The following YEATS4 variants were observed in gnomAD, a reference collection of about 807,000 sequenced individuals.
YEATS4 encodes the protein YEATS domain-containing protein 4.
In YEATS4, 17 loss-of-function variants were observed where a neutral mutation model predicts 30.1. That is an observed-to-expected ratio of 0.56 (90% CI 0.39 to 0.85). The LOEUF is 0.85. YEATS4 is among the 40% of genes least tolerant of loss of function. The pLI, the probability that YEATS4 is intolerant of heterozygous loss-of-function variation, is 0.00. For missense variants in YEATS4, 142 were observed against 268.3 expected, an observed-to-expected ratio of 0.53 and a Z score of 3.29; for synonymous variants, 85 against 87.5, an observed-to-expected ratio of 0.97 and a Z score of 0.16.
At chr12:69,419,234 T>TTTTTTG in the YEATS4 span, among the ~76,000 whole-genome samples, 16 of 145,924 alleles carry the variant, frequency 1.1e-4, no homozygotes, top group Non-Finnish European at 1.8e-4. Flanking sequence ...TTTTTTTTTT[T>TTTTTTG]TTTAGAGACA....
the YEATS4 span, among the ~76,000 whole-genome samples, chr12:69,417,554 T>G: frequency 6.6e-6 from 1 of 152,126 alleles, no homozygotes; most frequent in Admixed American, 6.6e-5. Flanking sequence ...AAGGCTGCCT[T>G]GGTAGGAGGC....
At chr12:69,376,772 G>A (rs1312473489) in intron 6 of YEATS4, among the ~76,000 whole-genome samples, 1 of 152,174 alleles carries the variant, frequency 6.6e-6, no homozygotes, top group African/African-American at 2.4e-5. Flanking sequence ...TTTGAGTAGG[G>A]TTGGTATTAG....
At chr12:69,421,431 A>G in the YEATS4 span, among the ~76,000 whole-genome samples, 1 of 152,180 alleles carries the variant, frequency 6.6e-6, no homozygotes. Context: ...ATTTTATATT[A>G]TATCGTATTT....
chr12:69,362,656 G>A, intron 1 of YEATS4, 132 bp from the exon 2 acceptor site: 1 of 599,640 alleles, frequency 1.7e-6, no homozygotes, highest in Non-Finnish European at 2.6e-6. Flanking sequence ...ATTGATTTGA[G>A]AGAAATCCAT....
intron 4 of YEATS4, among the ~76,000 whole-genome samples, chr12:69,368,607 T>C (rs1875525813): frequency 6.6e-6 from 1 of 152,182 alleles, no homozygotes; most frequent in South Asian, 2.1e-4. Flanking sequence ...TCTGGTACCA[T>C]AAACTGGGTG....
At chr12:69,381,347 G>A (rs12298638) in intron 6 of YEATS4, among the ~76,000 whole-genome samples, 1,865 of 152,262 alleles carry the variant, frequency 0.012, 22 homozygotes, top group African/African-American at 0.029. Flanking sequence ...CTGGCTCACC[G>A]GCAGTCAGAG....
Position 69,390,150 on chromosome 12 carries a change from C to T in YEATS4, c.518C>T (p.Ala173Val). 5 of 1,572,080 alleles carry T rather than the reference C, an allele frequency of 3.2e-6. No homozygotes were observed. Among genetic ancestry groups the T allele is most frequent in the Non-Finnish European group, 4.3e-6 (5 of 1,168,952 alleles). The change falls in exon 7 of 7, where the codon GCA becomes GTA. Residue 173 changes from alanine (A) to valine (V), a missense_variant. Physicochemically the swap from Ala to Val is moderately conservative, Grantham distance 64. Around this residue, in one of 3 missense-constraint regions of YEATS4, gnomAD observed 53 missense variants for 68.6 expected, o/e 0.77. Transcript: ENST00000247843. The stretch of plus-strand genomic sequence containing the variant: ...TAAAAGTATTTGTTTTCTTTAGTTG[C>T]AGAGCTTGAAGTGAAAACCAGAGAA... ...LGAYKHETEF[A>V]ELEVKTREKL... is the part of the protein sequence containing the mutation.
chr12:69,377,787 A>G (rs1875926687), intron 6 of YEATS4, among the ~76,000 whole-genome samples: 1 of 152,238 alleles, frequency 6.6e-6, no homozygotes, highest in South Asian at 2.1e-4. Context: ...AGAATGATCC[A>G]TGAGGTCAGG....
the YEATS4 span, among the ~76,000 whole-genome samples, chr12:69,397,524 G>A: frequency 2.0e-5 from 3 of 152,124 alleles, no homozygotes; most frequent in East Asian, 5.8e-4. Context: ...TTTTATAAAG[G>A]GTAGTTCCCC....
chr12:69,396,532 A>C, the YEATS4 span, among the ~76,000 whole-genome samples: 2 of 152,178 alleles, frequency 1.3e-5, no homozygotes, highest in Non-Finnish European at 2.9e-5. Context: ...TCCAATCCCT[A>C]TTATTAAAAT....
chr12:69,419,448 G>A, the YEATS4 span, among the ~76,000 whole-genome samples: 21 of 151,952 alleles, frequency 1.4e-4, no homozygotes, highest in East Asian at 2.3e-3. Flanking sequence ...TCTTGAACTC[G>A]TAGTCTCAAG....
intron 4 of YEATS4, among the ~76,000 whole-genome samples, chr12:69,369,579 C>G (rs1875566369): frequency 6.6e-6 from 1 of 152,202 alleles, no homozygotes. Flanking sequence ...AGCTCTGGCT[C>G]ACACCTCTTA....
rs187007051 is a variant in YEATS4 at position 69,385,000 on chromosome 12, A to G, written c.515-5147A>G. ...AGTGAATGACTATATTTGTCCTATT[A>G]AATTAGCAAAAGCATTTTTTTTTCC... On this transcript the variant is annotated intron_variant, in intron 6 of 6. Transcript: ENST00000247843. 5.4e-3 allele frequency among the ~76,000 whole-genome samples: 724 copies of G among 135,130 alleles called. 3 individuals carry two copies. Among genetic ancestry groups the G allele is most frequent in the African/African-American group, 0.021 (695 of 32,344 alleles). 88.7% of individuals were successfully genotyped at this position (135,130 alleles called of 152,430 possible). A position where few individuals can be genotyped will look rare whatever the true frequency, so the allele number is the denominator to read the frequency against.
At chr12:69,360,963 C>T (rs890499893) in intron 1 of YEATS4, among the ~76,000 whole-genome samples, 1 of 151,660 alleles carries the variant, frequency 6.6e-6, no homozygotes, top group African/African-American at 2.4e-5. Flanking sequence ...TTTGGAAGGC[C>T]GAGGAGGGTG....
At chr12:69,409,438 G>A in the YEATS4 span, among the ~76,000 whole-genome samples, 4 of 151,778 alleles carry the variant, frequency 2.6e-5, no homozygotes, top group South Asian at 2.1e-4. Flanking sequence ...CCAACATGAC[G>A]AAACCCCGCC....
the YEATS4 span, among the ~76,000 whole-genome samples, chr12:69,413,681 GTC>G: frequency 2.6e-5 from 4 of 151,820 alleles, no homozygotes; most frequent in African/African-American, 9.7e-5. Context: ...GCGAAACCCC[GTC>G]TCTACTAAAA....
chr12:69,385,912 A>G (rs549901280), intron 6 of YEATS4, among the ~76,000 whole-genome samples: 7 of 152,288 alleles, frequency 4.6e-5, no homozygotes, highest in South Asian at 2.1e-4. Flanking sequence ...AACTTGCCCA[A>G]AATTACCCAG....
chr12:69,399,142 G>A, the YEATS4 span, among the ~76,000 whole-genome samples: 17 of 151,364 alleles, frequency 1.1e-4, no homozygotes, highest in African/African-American at 2.4e-4. Flanking sequence ...GTGAGACTCC[G>A]TCCCCCCCAA....
chr12:69,423,314 A>G, the YEATS4 span, among the ~76,000 whole-genome samples: 1 of 152,198 alleles, frequency 6.6e-6, no homozygotes, highest in Non-Finnish European at 1.5e-5. Context: ...CAGTCAAGTA[A>G]AGGAGATAGA....
Sources: allele counts gnomAD v4.1 joint callset (sites outside exome capture counted in the v4.1 genomes callset), GRCh38; gene constraint gnomAD v4.1.1; regional missense constraint gnomAD v4.1.1; transcripts MANE v1.5; gene names NCBI Gene and HGNC (gene_info 2026-07-23, HGNC 2026-07-21).